The following KANSL1L variants were observed in gnomAD, a reference collection of about 807,000 sequenced individuals.
KANSL1L encodes the protein KAT8 regulatory NSL complex subunit 1-like protein.
A neutral mutation model predicts 108.6 loss-of-function variants in KANSL1L; 25 were observed. The ratio of observed to expected loss-of-function variants is 0.23; its 90% confidence interval spans 0.17 to 0.32. The LOEUF is 0.32. Among genes scored for constraint, KANSL1L ranks in the 10% least tolerant of loss-of-function variants. The pLI, the probability that KANSL1L is intolerant of heterozygous loss-of-function variation, is 1.00. For missense variants in KANSL1L, 1,137 were observed against 1,125.7 expected, an observed-to-expected ratio of 1.01 and a Z score of -0.14; for synonymous variants, 405 against 395.1, an observed-to-expected ratio of 1.03 and a Z score of -0.30.
At chr2:210,143,801 T>C (rs1170236798) in intron 2 of KANSL1L, among the ~76,000 whole-genome samples, 1 of 152,174 alleles carries the variant, frequency 6.6e-6, no homozygotes, top group Non-Finnish European at 1.5e-5. Flanking sequence ...ATATTGTACA[T>C]CCTATGACAA....
intron 7 of KANSL1L, among the ~76,000 whole-genome samples, chr2:210,041,582 C>T (rs2094164887): frequency 1.3e-5 from 2 of 152,004 alleles, no homozygotes; most frequent in African/African-American, 4.8e-5. Context: ...ACTACGGGTG[C>T]ACAACTCCAT....
chr2:210,026,136 G>A (rs2093933704), intron 12 of KANSL1L, among the ~76,000 whole-genome samples: 2 of 152,120 alleles, frequency 1.3e-5, no homozygotes, highest in Non-Finnish European at 2.9e-5. Context: ...GGGTTTCTTG[G>A]CTAGGATCAT....
Position 210,075,685 on chromosome 2 carries a change from T to A in KANSL1L, c.1622A>T (p.Lys541Met). ...TTTCAGTCTTGTCCTGTCTTTTCTC[T>A]TTTTCTTACTGTGCTTCTGGTTAAG... ...WLLNQKHSKKKRKDRTRLKSS... is the reference protein window; with the variant it reads ...WLLNQKHSKKMRKDRTRLKSS... The change falls in exon 6 of 15, where the codon AAG (lysine) becomes ATG (methionine). Residue 541 changes from lysine to methionine, a missense_variant. Physicochemically the swap from Lys to Met is moderately conservative, Grantham distance 95. Around this residue, in one of 3 missense-constraint regions of KANSL1L, gnomAD observed 575 missense variants for 567.1 expected, o/e 1.01. Coordinates refer to ENST00000281772, the MANE Select transcript of KANSL1L (RefSeq NM_152519.4). 1 of 1,613,942 alleles carries A rather than the reference T, an allele frequency of 6.2e-7. No homozygotes were observed. The highest frequency in any genetic ancestry group is 1.3e-5 in the African/African-American group (1 of 75,056).
chr2:210,048,739 T>G (rs1286719438), intron 6 of KANSL1L, among the ~76,000 whole-genome samples: 4 of 152,162 alleles, frequency 2.6e-5, no homozygotes, highest in Admixed American at 6.5e-5. Flanking sequence ...GTGATTTTTT[T>G]TTTCTTATTG....
At chr2:210,161,781 A>AT (rs1317051479) in intron 1 of KANSL1L, among the ~76,000 whole-genome samples, 1 of 152,130 alleles carries the variant, frequency 6.6e-6, no homozygotes, top group East Asian at 1.9e-4. Flanking sequence ...AATTTTATTT[A>AT]TTTTTTTAGG....
At chr2:210,145,254 T>C (rs866534781) in intron 2 of KANSL1L, among the ~76,000 whole-genome samples, 5 of 152,186 alleles carry the variant, frequency 3.3e-5, no homozygotes, top group Non-Finnish European at 7.3e-5. Flanking sequence ...GGGTCTGACT[T>C]GCAGGTGCAT....
At chr2:210,067,596 C>T (rs1019380489) in intron 6 of KANSL1L, among the ~76,000 whole-genome samples, 19 of 151,400 alleles carry the variant, frequency 1.3e-4, no homozygotes, top group African/African-American at 2.9e-4. Context: ...TCAGCTACTC[C>T]GGAGGCTGAG....
chr2:210,079,628 A>ATGTATGTG (rs2094568337), intron 5 of KANSL1L, among the ~76,000 whole-genome samples: 1 of 5,434 alleles, frequency 1.8e-4, no homozygotes, highest in African/African-American at 5.2e-4. Context: ...ATATATATAT[A>ATGTATGTG]TATATATATA....
At chr2:210,053,734 T>C (rs2094318332) in intron 6 of KANSL1L, among the ~76,000 whole-genome samples, 1 of 151,834 alleles carries the variant, frequency 6.6e-6, no homozygotes, top group African/African-American at 2.4e-5. Flanking sequence ...AACTTCTGCA[T>C]AGAAAGAAAA....
chr2:210,047,065 G>A (rs1181858790), intron 6 of KANSL1L, among the ~76,000 whole-genome samples: 1 of 150,614 alleles, frequency 6.6e-6, no homozygotes, highest in African/African-American at 2.5e-5. Flanking sequence ...GCTGGGAGGG[G>A]CAGCCTCCAT....
chr2:210,162,222 G>GTATATATATATATATA (rs71043976), intron 1 of KANSL1L, among the ~76,000 whole-genome samples: 6,222 of 107,108 alleles, frequency 0.058, 405 homozygotes, highest in Non-Finnish European at 0.071. Context: ...AGTGGTTCAG[G>GTATATATATATATATA]TATATATATA....
At chr2:210,165,194 A>C (rs893541464) in intron 1 of KANSL1L, among the ~76,000 whole-genome samples, 3 of 151,710 alleles carry the variant, frequency 2.0e-5, no homozygotes, top group African/African-American at 7.3e-5. Context: ...AAACCAAAAA[A>C]CAAAAAACAA....
At chr2:210,072,076 A>C (rs996733133) in intron 6 of KANSL1L, among the ~76,000 whole-genome samples, 1 of 152,220 alleles carries the variant, frequency 6.6e-6, no homozygotes, top group African/African-American at 2.4e-5. Flanking sequence ...TCAATAGTCT[A>C]GTTTCCTCAA....
intron 7 of KANSL1L, among the ~76,000 whole-genome samples, chr2:210,041,368 G>A (rs1202462803): frequency 6.6e-6 from 1 of 152,116 alleles, no homozygotes; most frequent in East Asian, 1.9e-4. Flanking sequence ...CTGAAAGAAG[G>A]TACTTTAAGG....
At chr2:210,119,267 A>T (rs775904411) in intron 3 of KANSL1L, among the ~76,000 whole-genome samples, 6 of 152,184 alleles carry the variant, frequency 3.9e-5, no homozygotes, top group Admixed American at 2.6e-4. Context: ...CTTAAAGAAG[A>T]AGTAGTATCA....
At position 210,079,628 on chromosome 2, in the gene KANSL1L, A is replaced by G. The variant is rs1209621747; in HGVS notation, c.1551-3872T>C. ...TATGTATGTGTATATATATATATAT[A>G]TATATATATATATATATATATATAT... On this transcript the variant is annotated intron_variant, in intron 5 of 14. Coordinates refer to ENST00000281772, the MANE Select transcript of KANSL1L (RefSeq NM_152519.4). Among the ~76,000 whole-genome samples, 46 of 5,432 alleles carry G rather than the reference A, an allele frequency of 8.5e-3. 2 individuals are homozygous for G. Among genetic ancestry groups the G allele is most frequent in the African/African-American group, 0.017 (32 of 1,938 alleles). 3.6% of individuals were successfully genotyped at this position (5,432 alleles called of 152,430 possible).
At chr2:210,077,934 T>C (rs1375354130) in intron 5 of KANSL1L, among the ~76,000 whole-genome samples, 1 of 152,194 alleles carries the variant, frequency 6.6e-6, no homozygotes, top group African/African-American at 2.4e-5. Flanking sequence ...CTAAATGTTA[T>C]ACAGTCATGT....
chr2:210,113,128 G>A (rs1173112068), intron 3 of KANSL1L, among the ~76,000 whole-genome samples: 1 of 152,124 alleles, frequency 6.6e-6, no homozygotes, highest in Non-Finnish European at 1.5e-5. Flanking sequence ...AACCATTGTT[G>A]TAGTACCTCC....
At chr2:210,070,255 G>C (rs1271325352) in intron 6 of KANSL1L, among the ~76,000 whole-genome samples, 6 of 99,662 alleles carry the variant, frequency 6.0e-5, no homozygotes, top group African/African-American at 2.5e-4. Context: ...TTTTGAGATG[G>C]AGTCTCAATC....
Sources: gnomAD v4.1 joint callset for allele counts (sites outside exome capture counted in the v4.1 genomes callset) on GRCh38, gnomAD v4.1.1 for gene constraint, gnomAD v4.1.1 regional missense constraint, MANE v1.5 for transcripts, NCBI Gene and HGNC (gene_info 2026-07-23, HGNC 2026-07-21) for gene names.